The following GABRB3 variants were observed in gnomAD, a reference collection of about 807,000 sequenced individuals.
GABRB3 encodes gamma-aminobutyric acid receptor subunit beta-3.
In GABRB3, 14 loss-of-function variants were observed where a neutral mutation model predicts 52.1. The ratio of observed to expected loss-of-function variants is 0.27; its 90% CI spans 0.18 to 0.42. GABRB3 has a LOEUF of 0.42. Ranked by LOEUF, GABRB3 falls within the 10% of genes least tolerant of loss-of-function variation. The probability of loss-of-function intolerance (pLI) is 1.00; values close to 1 mark genes in which losing one functional copy is unlikely to be tolerated. For synonymous variants in GABRB3, 260 were observed against 232.3 expected, an observed-to-expected ratio of 1.12 and a Z score of -1.08; for missense variants, 307 against 609.1, an observed-to-expected ratio of 0.50 and a Z score of 5.22.
At chr15:26,760,439 G>T (rs779416641) in intron 3 of GABRB3, among the ~76,000 whole-genome samples, 4 of 152,058 alleles carry the variant, frequency 2.6e-5, no homozygotes, top group Non-Finnish European at 4.4e-5. Context: ...ATTTTCTACT[G>T]CAGAGGGTGA....
At chr15:26,675,549 C>T (rs533884664) in intron 3 of GABRB3, among the ~76,000 whole-genome samples, 1 of 152,164 alleles carries the variant, frequency 6.6e-6, no homozygotes, top group South Asian at 2.1e-4. Flanking sequence ...TATTCAGAAC[C>T]ATTGAGATAG....
chr15:26,657,221 T>C (rs1887401721), intron 3 of GABRB3: 1 of 152,290 alleles, frequency 6.6e-6, no homozygotes, highest in African/African-American at 2.4e-5. Flanking sequence ...CTTATCTTCT[T>C]TAGTGCTTTA....
rs2140664833 is a variant in GABRB3 at position 26,691,423 on chromosome 15, A to C, written c.241-69889T>G. On this transcript the variant is annotated intron_variant, in intron 3 of 8. Transcript: ENST00000311550. ...GGGTGAATCCCAAAAAGGCCACCCC[A>C]GGGAGCCTCTGGCCCTATTAGCATC... is the stretch of plus-strand genomic sequence containing the variant. Among the ~76,000 whole-genome samples the C allele has an allele frequency of 1.3e-5, 2 of 152,320 alleles. 1 individual carries two copies. The highest frequency in any genetic ancestry group is 6.8e-3 in the Middle Eastern group (2 of 294).
chr15:26,567,158 T>C lies in GABRB3; in HGVS notation c.835+423A>G, dbSNP rs1237401379. 2.0e-5 allele frequency among the ~76,000 whole-genome samples: 3 copies of C among 152,242 alleles called. No individual in the cohort carries two copies. In the East Asian group the frequency reaches 5.8e-4, roughly 29 times the overall value. On this transcript the variant is annotated intron_variant, in intron 7 of 8. Transcript: ENST00000311550. The stretch of plus-strand genomic sequence containing the variant: ...AATCATTCAGAATTGAATTCCATAT[T>C]TTAATGCTCATTAAATTGTGTAATT...
intron 3 of GABRB3, among the ~76,000 whole-genome samples, chr15:26,625,750 T>C (rs887003417): frequency 3.3e-5 from 5 of 152,092 alleles, no homozygotes; most frequent in African/African-American, 9.7e-5. Context: ...CTGGCCACTC[T>C]GCGGCAGGGT....
chr15:26,635,010 A>ATATATATATATAT (rs10676156), intron 3 of GABRB3, among the ~76,000 whole-genome samples: 4,085 of 74,664 alleles, frequency 0.055, 948 homozygotes, highest in Non-Finnish European at 0.069. Flanking sequence ...ATATATATAT[A>ATATATATATATAT]ATATATATAT....
intron 3 of GABRB3, among the ~76,000 whole-genome samples, chr15:26,679,589 G>A (rs892586456): frequency 3.3e-5 from 5 of 152,058 alleles, no homozygotes; most frequent in African/African-American, 9.7e-5. Flanking sequence ...AATATCTTAA[G>A]TTAAATATTC....
chr15:26,758,506 A>G (rs1157793497), intron 3 of GABRB3, among the ~76,000 whole-genome samples: 1 of 152,210 alleles, frequency 6.6e-6, no homozygotes, highest in Non-Finnish European at 1.5e-5. Flanking sequence ...CCAGCAGATA[A>G]AGCCATCACT....
chr15:26,611,422 C>G (rs1892066938), intron 4 of GABRB3, among the ~76,000 whole-genome samples: 1 of 152,074 alleles, frequency 6.6e-6, no homozygotes, highest in Admixed American at 6.6e-5. Flanking sequence ...TAGGTTTTCA[C>G]AAAATTTAAT....
At chr15:26,660,305 A>T (rs1324379749) in intron 3 of GABRB3, among the ~76,000 whole-genome samples, 4 of 152,138 alleles carry the variant, frequency 2.6e-5, no homozygotes, top group African/African-American at 9.7e-5. Flanking sequence ...TCAGTTGATT[A>T]GGAGAAATAT....
intron 8 of GABRB3, chr15:26,558,025 T>A (rs193120199): frequency 1.0e-3 from 155 of 152,248 alleles, no homozygotes; most frequent in African/African-American, 3.6e-3. Context: ...AAGAGGAAAT[T>A]TGGAAAGACA....
chr15:26,579,664 A>C (rs1396078125), intron 6 of GABRB3, among the ~76,000 whole-genome samples: 2 of 152,256 alleles, frequency 1.3e-5, no homozygotes, highest in Non-Finnish European at 2.9e-5. Flanking sequence ...CACAGCATTC[A>C]GTAAGCACAG....
chr15:26,669,027 G>A (rs1204427308), intron 3 of GABRB3, among the ~76,000 whole-genome samples: 1 of 152,170 alleles, frequency 6.6e-6, no homozygotes, highest in African/African-American at 2.4e-5. Flanking sequence ...ATGGCAGCTG[G>A]AAAGTCCTGG....
At position 26,744,727 on chromosome 15, in the gene GABRB3, A is replaced by G. The variant is rs1451575649; in HGVS notation, c.240+27675T>C. Among the ~76,000 whole-genome samples, 7 of 152,300 alleles carry G rather than the reference A, an allele frequency of 4.6e-5. No individual in the cohort carries two copies. The South Asian group carries it at 1.0e-3, about 23-fold the overall frequency. Reference sequence around the variant, plus strand: ...AGGTGTGAGCCACTGTGCCCAACCAATAACAGAAACTTTCATTAAAACTTG... The same window carrying G: ...AGGTGTGAGCCACTGTGCCCAACCAGTAACAGAAACTTTCATTAAAACTTG... On this transcript the variant is annotated intron_variant, in intron 3 of 8. Transcript: ENST00000311550.
chr15:26,587,162 G>A (rs963768176), intron 4 of GABRB3, among the ~76,000 whole-genome samples: 2 of 151,894 alleles, frequency 1.3e-5, no homozygotes, highest in Non-Finnish European at 2.9e-5. Flanking sequence ...ACATTGTTCC[G>A]CCACGCAACT....
chr15:26,567,971 G>A (rs371070603), intron 6 of GABRB3, among the ~76,000 whole-genome samples: 6 of 152,316 alleles, frequency 3.9e-5, no homozygotes, highest in South Asian at 2.1e-4. Flanking sequence ...CTAAACGCTC[G>A]GTTGAGAACT....
chr15:26,645,601 C>T (rs1893326575), intron 3 of GABRB3, among the ~76,000 whole-genome samples: 1 of 152,122 alleles, frequency 6.6e-6, no homozygotes, highest in Non-Finnish European at 1.5e-5. Flanking sequence ...TGGTGGAGTC[C>T]AACTTGTCTG....
Position 26,772,762 on chromosome 15 carries a change from G to A in GABRB3, c.91C>T (p.Pro31Ser), listed in dbSNP as rs1891188288. ...VVCCAQSVND[P>S]GNMSFVKETV... The stretch of plus-strand genomic sequence containing the variant: ...TCCTTCACAAAGGACATGTTCCCGG[G>A]ATCGTTCACACTGGGGGAGGGACGG... The change falls in exon 2 of 9, where the codon CCC (proline) becomes TCC (serine). Residue 31 changes from proline to serine, a missense_variant. Pro to Ser is a moderately conservative substitution (Grantham distance 74). Around this residue, in one of 6 missense-constraint regions of GABRB3, gnomAD observed 90 missense variants for 86.4 expected, o/e 1.04. Coordinates refer to ENST00000311550, the MANE Select transcript of GABRB3 (RefSeq NM_000814.6). 2.6e-6 allele frequency: 4 copies of A among 1,558,878 alleles called. No individual in the cohort carries two copies. The African/African-American group carries it at 5.7e-5, about 22-fold the overall frequency.
Position 26,580,374 on chromosome 15 carries a change from C to T in GABRB3, c.627G>A (p.Pro209=), listed in dbSNP as rs146431931. Residue 209 remains proline, a synonymous_variant, in exon 6 of 9, where the codon CCG becomes CCA. Transcript: ENST00000311550. ...GACGGTGCTCCACGATGGAGAACTG[C>T]GGGAGCTCAATCCTTTCCACTCCGG... ...AVTGVERIEL[P]QFSIVEHRLV... is the part of the protein sequence containing the mutation. 36 of 1,614,130 alleles carry T rather than the reference C, an allele frequency of 2.2e-5. No individual in the cohort carries two copies. Among genetic ancestry groups the T allele is most frequent in the African/African-American group, 5.3e-5 (4 of 75,008 alleles).
Sources: allele counts gnomAD v4.1 joint callset (sites outside exome capture counted in the v4.1 genomes callset), GRCh38; gene constraint gnomAD v4.1.1; regional missense constraint gnomAD v4.1.1; transcripts MANE v1.5; gene names NCBI Gene and HGNC (gene_info 2026-07-23, HGNC 2026-07-21).